The following ITSN1 variants were observed in gnomAD, a reference collection of about 807,000 sequenced individuals.
The protein encoded by ITSN1 is intersectin 1, also known as intersectin-1.
A neutral mutation model predicts 239.8 loss-of-function variants in ITSN1; 58 were observed. That is an observed-to-expected ratio of 0.24 (90% CI 0.20 to 0.30). The LOEUF is 0.30. Among genes scored for constraint, ITSN1 ranks in the 10% least tolerant of loss-of-function variants. The probability of loss-of-function intolerance (pLI) is 1.00; values close to 1 mark genes in which losing one functional copy is unlikely to be tolerated. For synonymous variants in ITSN1, 780 were observed against 770.8 expected (o/e 1.01, Z -0.20); for missense variants, 1,558 against 2,103.3 (o/e 0.74, Z 5.07).
At chr21:33,761,886 G>A (rs753885057) in intron 8 of ITSN1, 37 bp from the exon 9 acceptor site, 19 of 1,495,762 alleles carry the variant, frequency 1.3e-5, no homozygotes, top group Middle Eastern at 3.4e-4. Context: ...AGTATTTGCT[G>A]ACTCATCTGT....
chr21:33,863,227 C>A (rs1323398378), intron 31 of ITSN1, among the ~76,000 whole-genome samples: 2 of 152,222 alleles, frequency 1.3e-5, no homozygotes, highest in Non-Finnish European at 2.9e-5. Context: ...GGCCTGTCTG[C>A]TGGTTGGGTA....
chr21:33,836,396 T>TCTC, intron 28 of ITSN1, 45 bp from the exon 29 acceptor site: 3 of 1,467,554 alleles, frequency 2.0e-6, no homozygotes, highest in Non-Finnish European at 2.8e-6. Flanking sequence ...CGTTGTGCAT[T>TCTC]CTCCGGCGGG....
intron 36 of ITSN1, among the ~76,000 whole-genome samples, chr21:33,883,901 T>TG (rs1368080065): frequency 6.7e-6 from 1 of 148,766 alleles, no homozygotes; most frequent in African/African-American, 2.5e-5. Flanking sequence ...TGAGTTTTTT[T>TG]TTTTTTTTTT....
intron 4 of ITSN1, among the ~76,000 whole-genome samples, chr21:33,734,681 A>G (rs1194099508): frequency 6.6e-6 from 1 of 152,182 alleles, no homozygotes; most frequent in Admixed American, 6.5e-5. Context: ...TTACTCGTTT[A>G]AAGTATCTAA....
rs1981424619 is a variant in ITSN1, at chr21:33,865,574, G to A, written c.4074+240G>A. On this transcript the variant is annotated intron_variant, in intron 32 of 39. Transcript: ENST00000381318. The surrounding 1 kb of genome is among the most constrained non-coding windows in gnomAD (Gnocchi z 4.4). The stretch of plus-strand genomic sequence containing the variant: ...TGGAAGCTTTGAAAGTGTCTTTAGG[G>A]ATCTGTTTTCCAGATGCTATTGGTG... Among the ~76,000 whole-genome samples, 1 of 152,234 alleles carries A rather than the reference G, an allele frequency of 6.6e-6. No individual in the cohort carries two copies. Among genetic ancestry groups the A allele is most frequent in the Non-Finnish European group, 1.5e-5 (1 of 68,050 alleles).
At chr21:33,710,862 G>GTGCTGCGATCTCGGCTCAC (rs1431606683) in intron 1 of ITSN1, among the ~76,000 whole-genome samples, 1 of 150,224 alleles carries the variant, frequency 6.7e-6, no homozygotes, top group Non-Finnish European at 1.5e-5. Context: ...CTGGAGTGCA[G>GTGCTGCGATCTCGGCTCAC]TGCTGCGATC....
intron 21 of ITSN1, among the ~76,000 whole-genome samples, chr21:33,812,421 A>G (rs944325134): frequency 6.6e-6 from 1 of 152,222 alleles, no homozygotes; most frequent in African/African-American, 2.4e-5. Context: ...ATTTGTTTGT[A>G]TATCTTATAA....
At chr21:33,884,940 A>G in intron 36 of ITSN1, 101 bp from the exon 37 acceptor site, 1 of 809,056 alleles carries the variant, frequency 1.2e-6, no homozygotes. Flanking sequence ...TGTTAAAATC[A>G]AATGAACAAA....
At chr21:33,699,845 G>A (rs1351042544) in intron 1 of ITSN1, among the ~76,000 whole-genome samples, 1 of 152,090 alleles carries the variant, frequency 6.6e-6, no homozygotes, top group African/African-American at 2.4e-5. Flanking sequence ...CTACAACCTC[G>A]AACTCCTGGG....
chr21:33,790,080 G>C (rs1348979340), intron 16 of ITSN1, among the ~76,000 whole-genome samples: 1 of 152,066 alleles, frequency 6.6e-6, no homozygotes, highest in Non-Finnish European at 1.5e-5. Context: ...TTCATGAGCT[G>C]TGCTTGATCA....
chr21:33,870,186 G>A (rs762187), intron 33 of ITSN1, among the ~76,000 whole-genome samples: 93,923 of 152,126 alleles, frequency 0.62, 30,983 homozygotes, highest in African/African-American at 0.87. Flanking sequence ...TAGTTTTGAA[G>A]TAAGTTTTCA....
chr21:33,878,008 T>TTGTG lies in ITSN1; in HGVS notation c.4341+2523_4341+2526dup, dbSNP rs71194867. Among the ~76,000 whole-genome samples the TTGTG allele has an allele frequency of 7.7e-3, 1,076 of 140,276 alleles. 6 individuals are homozygous for TTGTG. Among genetic ancestry groups the TTGTG allele is most frequent in the Middle Eastern group, 0.029 (8 of 272 alleles). 92.0% of individuals were successfully genotyped at this position (140,276 alleles called of 152,430 possible). ...TCTCTCTTTCTCTTTCTCTCTCTCT[T>TTGTG]TGTGTGTGTGTGTGTGTGTGTGTGT... On this transcript the variant is annotated intron_variant, in intron 34 of 39. Coordinates refer to ENST00000381318, the MANE Select transcript of ITSN1 (RefSeq NM_003024.3).
chr21:33,865,678 G>A lies in ITSN1; in HGVS notation c.4074+344G>A, dbSNP rs577407441. On this transcript the variant is annotated intron_variant, in intron 32 of 39. Coordinates refer to ENST00000381318, the MANE Select transcript of ITSN1 (RefSeq NM_003024.3). The surrounding 1 kb of genome is among the most constrained non-coding windows in gnomAD (Gnocchi z 4.4). ...CTTAGATTTCCTCTTGTGTTTAATCGCCACATCCTCAGTTCTTTGCTGGTC... is the reference window on the plus strand; with the variant it reads ...CTTAGATTTCCTCTTGTGTTTAATCACCACATCCTCAGTTCTTTGCTGGTC... 2.0e-5 allele frequency among the ~76,000 whole-genome samples: 3 copies of A among 152,328 alleles called. No individual in the cohort carries two copies. The highest frequency in any genetic ancestry group is 6.5e-5 in the Admixed American group (1 of 15,298).
chr21:33,686,128 G>A (rs558523508), intron 1 of ITSN1, among the ~76,000 whole-genome samples: 33 of 152,264 alleles, frequency 2.2e-4, no homozygotes, highest in African/African-American at 7.9e-4. Flanking sequence ...AATGTCATTA[G>A]CAGTGAATGG....
At chr21:33,690,035 G>T (rs2091436475) in intron 1 of ITSN1, among the ~76,000 whole-genome samples, 1 of 150,338 alleles carries the variant, frequency 6.7e-6, no homozygotes, top group Non-Finnish European at 1.5e-5. Context: ...TGTAATCCTA[G>T]CACTTTGGGA....
chr21:33,668,892 TA>T (rs1568889668), intron 1 of ITSN1, among the ~76,000 whole-genome samples: 3 of 152,196 alleles, frequency 2.0e-5, no homozygotes, highest in Admixed American at 1.3e-4. Flanking sequence ...ACCTCTGACC[TA>T]AAAGGTTTTT....
In ITSN1 at chr21:33,797,335, C is replaced by T; in HGVS notation, c.1953-44C>T. ...TGAAAAGAGGCAACAGTAGTGTTAACTTAGAGTTGCTTTCTTGCTGTAATC... is the reference window on the plus strand; with the variant it reads ...TGAAAAGAGGCAACAGTAGTGTTAATTTAGAGTTGCTTTCTTGCTGTAATC... On this transcript the variant is annotated intron_variant, in intron 17 of 39. Transcript: ENST00000381318. The surrounding 1 kb of genome is among the most constrained non-coding windows in gnomAD (Gnocchi z 4.9). 1 of 1,553,654 alleles carries T rather than the reference C, an allele frequency of 6.4e-7. No individual in the cohort carries two copies. Among genetic ancestry groups the T allele is most frequent in the Non-Finnish European group, 8.9e-7 (1 of 1,127,358 alleles).
chr21:33,795,455 T>G (rs1347104121), intron 17 of ITSN1, among the ~76,000 whole-genome samples: 1 of 152,012 alleles, frequency 6.6e-6, no homozygotes, highest in Non-Finnish European at 1.5e-5. Context: ...CTCAAGAAAT[T>G]AGATTAAAAA....
chr21:33,831,079 A>G (rs2074265792), intron 27 of ITSN1, among the ~76,000 whole-genome samples: 1 of 152,242 alleles, frequency 6.6e-6, no homozygotes, highest in Non-Finnish European at 1.5e-5. Flanking sequence ...TTACTACTAT[A>G]GCAGTTACTT....
Sources: gnomAD v4.1 joint callset for allele counts (sites outside exome capture counted in the v4.1 genomes callset) on GRCh38, gnomAD v4.1.1 for gene constraint, Gnocchi (gnomAD v3.1) non-coding constraint, MANE v1.5 for transcripts, NCBI Gene and HGNC (gene_info 2026-07-23, HGNC 2026-07-21) for gene names.